The following TASP1 variants were observed in gnomAD, a reference collection of about 807,000 sequenced individuals.
TASP1 encodes the protein threonine aspartase 1.
Under a neutral mutation model 56.6 loss-of-function variants are expected in TASP1, and 16 were observed. That is an observed-to-expected ratio of 0.28 (90% CI 0.19 to 0.43). The LOEUF is 0.43. Among genes scored for constraint, TASP1 ranks in the 20% least tolerant of loss-of-function variants. The pLI is 1.00. For missense variants in TASP1, 393 were observed against 511.6 expected (o/e 0.77, Z 2.24); for synonymous variants, 179 against 184.2 (o/e 0.97, Z 0.23).
chr20:13,301,994 A>G, the TASP1 span, among the ~76,000 whole-genome samples: 1 of 152,232 alleles, frequency 6.6e-6, no homozygotes, highest in South Asian at 2.1e-4. Flanking sequence ...TATTTGTAAT[A>G]AGAAAATAGT....
chr20:13,207,217 G>T, the TASP1 span, among the ~76,000 whole-genome samples: 3 of 152,294 alleles, frequency 2.0e-5, no homozygotes, highest in East Asian at 1.9e-4. Flanking sequence ...TCAGGTCAAG[G>T]TCTGCTCCAC....
chr20:13,213,794 G>A, the TASP1 span, among the ~76,000 whole-genome samples: 1 of 152,140 alleles, frequency 6.6e-6, no homozygotes, highest in Non-Finnish European at 1.5e-5. Context: ...GTGATGCACT[G>A]AGAAGAACAT....
intron 10 of TASP1, among the ~76,000 whole-genome samples, chr20:13,519,003 GAAC>G (rs1340380729): frequency 6.6e-6 from 1 of 151,828 alleles, no homozygotes; most frequent in African/African-American, 2.4e-5. Context: ...CCACAGAAAA[GAAC>G]AAAAAAAATA....
chr20:13,390,563 T>C (rs1437994616), intron 13 of TASP1, 111 bp from the exon 14 acceptor site: 1 of 873,594 alleles, frequency 1.1e-6, no homozygotes, highest in Admixed American at 2.1e-5. Flanking sequence ...TAGGCCTTCA[T>C]TTTGCTTCTG....
the TASP1 span, among the ~76,000 whole-genome samples, chr20:13,269,847 G>T: frequency 6.6e-6 from 1 of 152,008 alleles, no homozygotes; most frequent in Admixed American, 6.6e-5. Flanking sequence ...AAAATAATAG[G>T]TCTCATGTCT....
At chr20:13,563,019 TACAC>T (rs1158471668) in intron 7 of TASP1, among the ~76,000 whole-genome samples, 1 of 139,270 alleles carries the variant, frequency 7.2e-6, no homozygotes, top group Non-Finnish European at 1.6e-5. Flanking sequence ...GGTGTATATA[TACAC>T]ACACATACAT....
At chr20:13,134,181 C>G in the TASP1 span, among the ~76,000 whole-genome samples, 1 of 152,186 alleles carries the variant, frequency 6.6e-6, no homozygotes, top group African/African-American at 2.4e-5. Context: ...TACATACTTT[C>G]CAGTTGAATT....
the TASP1 span, chr20:13,238,063 A>T: frequency 6.6e-5 from 10 of 152,206 alleles, no homozygotes; most frequent in Non-Finnish European, 1.3e-4. Context: ...AATTGTAGAC[A>T]TATATCTTCT....
At chr20:13,309,832 T>C in the TASP1 span, among the ~76,000 whole-genome samples, 1 of 148,348 alleles carries the variant, frequency 6.7e-6, no homozygotes, top group Non-Finnish European at 1.5e-5. Flanking sequence ...CAAGAAAACA[T>C]TCTCATTTAC....
At chr20:13,288,196 G>T in the TASP1 span, among the ~76,000 whole-genome samples, 2 of 152,180 alleles carry the variant, frequency 1.3e-5, no homozygotes, top group Non-Finnish European at 2.9e-5. Flanking sequence ...TCAATGAGAG[G>T]CTATAAGCAC....
chr20:13,381,123 T>C, the TASP1 span, among the ~76,000 whole-genome samples: 1 of 151,820 alleles, frequency 6.6e-6, no homozygotes, highest in Non-Finnish European at 1.5e-5. Context: ...CACTGGGGTG[T>C]GGAAAAAAAC....
chr20:13,239,635 A>G, the TASP1 span: 2 of 152,188 alleles, frequency 1.3e-5, no homozygotes, highest in South Asian at 2.1e-4. Flanking sequence ...CCCAGGTTGG[A>G]CCGGGGCTTC....
At chr20:13,172,893 G>C in the TASP1 span, among the ~76,000 whole-genome samples, 1 of 152,150 alleles carries the variant, frequency 6.6e-6, no homozygotes, top group Non-Finnish European at 1.5e-5. Context: ...TGATAATTAA[G>C]GTAGATTAAA....
chr20:13,608,263 A>G (rs2048229759), intron 4 of TASP1, among the ~76,000 whole-genome samples: 1 of 152,242 alleles, frequency 6.6e-6, no homozygotes. Flanking sequence ...GAAGCCAATG[A>G]AACTGTATTA....
the TASP1 span, among the ~76,000 whole-genome samples, chr20:13,199,147 C>T: frequency 1.3e-5 from 2 of 151,902 alleles, no homozygotes; most frequent in East Asian, 1.9e-4. Context: ...AAACCATTCT[C>T]CCACCTCGGT....
chr20:13,489,139 G>C (rs756191797), intron 10 of TASP1, among the ~76,000 whole-genome samples: 3 of 152,142 alleles, frequency 2.0e-5, no homozygotes, highest in Admixed American at 6.6e-5. Flanking sequence ...CTAGGTGAAA[G>C]GAACAAACCT....
In TASP1 at chr20:13,479,265, TA is replaced by T. The variant is rs1297363678; in HGVS notation, c.985+3961del. ...AGAATCACTAGATATTTTATACAAA[TA>T]TTTTTTTAAAAAGAAAAAACAAAGG... On this transcript the variant is annotated intron_variant, in intron 11 of 13. Transcript: ENST00000337743. 2.6e-5 allele frequency among the ~76,000 whole-genome samples: 4 copies of T among 152,118 alleles called. No homozygotes were observed. In the East Asian group the frequency reaches 7.7e-4, roughly 29 times the overall value.
chr20:13,142,295 T>G, the TASP1 span, among the ~76,000 whole-genome samples: 1 of 152,240 alleles, frequency 6.6e-6, no homozygotes, highest in Non-Finnish European at 1.5e-5. Context: ...TGAGCCCTAC[T>G]GGAGCATCCT....
At position 13,435,506 on chromosome 20, in the gene TASP1, T is replaced by C. The variant is rs567056995; in HGVS notation, c.986-352A>G. Among the ~76,000 whole-genome samples, 7 of 152,328 alleles carry C rather than the reference T, an allele frequency of 4.6e-5. No individual in the cohort carries two copies. The South Asian group carries it at 1.4e-3, about 32-fold the overall frequency. The stretch of plus-strand genomic sequence containing the variant: ...CCTTTGATCAACTCTTAGGGATCAC[T>C]TACCACAGGCTCTCCCTGCTGTCAG... On this transcript the variant is annotated intron_variant, in intron 11 of 13. Transcript: ENST00000337743.
Sources: gnomAD v4.1 joint callset for allele counts (sites outside exome capture counted in the v4.1 genomes callset) on GRCh38, gnomAD v4.1.1 for gene constraint, MANE v1.5 for transcripts, NCBI Gene and HGNC (gene_info 2026-07-23, HGNC 2026-07-21) for gene names.